Variants in MEF2C observed in about 807,000 individuals in gnomAD.
MEF2C encodes the protein myocyte-specific enhancer factor 2C.
In MEF2C, 6 loss-of-function variants were observed where a neutral mutation model predicts 50.5. The observed-to-expected ratio is 0.12, with a 90% CI of 0.07 to 0.23. The LOEUF is 0.23. Ranked by LOEUF, MEF2C falls within the 10% of genes least tolerant of loss-of-function variation. The pLI, the probability that MEF2C is intolerant of heterozygous loss-of-function variation, is 1.00. For missense variants in MEF2C, 276 were observed against 605.0 expected, an observed-to-expected ratio of 0.46 and a Z score of 5.70; for synonymous variants, 183 against 228.0, an observed-to-expected ratio of 0.80 and a Z score of 1.78.
intron 1 of MEF2C, among the ~76,000 whole-genome samples, chr5:88,880,055 C>T (rs186591662): frequency 2.0e-5 from 3 of 151,906 alleles, no homozygotes; most frequent in East Asian, 1.9e-4. Context: ...ACAGTCCACG[C>T]GCCTATAAGA....
chr5:88,736,750 G>T (rs1052057236), intron 6 of MEF2C: 2 of 985,218 alleles, frequency 2.0e-6, no homozygotes, highest in African/African-American at 3.5e-5. Flanking sequence ...TTGAGTCAGT[G>T]CCCTGCCTGG....
intron 1 of MEF2C, among the ~76,000 whole-genome samples, chr5:88,899,183 T>C (rs113897632): frequency 2.6e-5 from 4 of 152,108 alleles, no homozygotes; most frequent in African/African-American, 9.7e-5. Context: ...GGTCCCCAAG[T>C]GGAAAAAATA....
rs199688697 is a variant in MEF2C, at chr5:88,752,059, A to G, written c.403-16T>C. On this transcript the variant is annotated splice_polypyrimidine_tract_variant and intron_variant, in intron 4 of 10. Transcript: ENST00000504921. The stretch of plus-strand genomic sequence containing the variant: ...GTGGAACAGCCTGCAGGAACAGAAA[A>G]CAAAACAAAGGTAAAAGAAAAGAAT... 3 of 1,586,538 alleles carry G rather than the reference A, an allele frequency of 1.9e-6. No individual in the cohort carries two copies. In the African/African-American group the frequency reaches 4.0e-5, roughly 21 times the overall value.
chr5:88,823,066 T>A (rs966920640), intron 2 of MEF2C, among the ~76,000 whole-genome samples: 4 of 151,946 alleles, frequency 2.6e-5, no homozygotes, highest in Non-Finnish European at 5.9e-5. Context: ...ATGTGTAAAG[T>A]CTTCACAACA....
intron 1 of MEF2C, chr5:88,844,481 A>G (rs1006854344): frequency 1.8e-5 from 3 of 166,292 alleles, no homozygotes; most frequent in Non-Finnish European, 3.7e-5. Context: ...CAGAGCTTTT[A>G]TCTAAAAATA....
At chr5:88,885,496 C>A (rs1308362571), upstream of MEF2C, among the ~76,000 whole-genome samples, 2 of 152,098 alleles carry the variant, frequency 1.3e-5, no homozygotes, top group Non-Finnish European at 2.9e-5. Flanking sequence ...TTAGTATTTA[C>A]AATGTATTTT....
chr5:88,754,193 T>A (rs763170194), intron 4 of MEF2C, among the ~76,000 whole-genome samples: 1 of 152,162 alleles, frequency 6.6e-6, no homozygotes, highest in Non-Finnish European at 1.5e-5. Flanking sequence ...AGTCAGGGTA[T>A]TTTTTTATAG....
intron 3 of MEF2C, among the ~76,000 whole-genome samples, chr5:88,779,424 C>T (rs1262858255): frequency 6.6e-6 from 1 of 151,990 alleles, no homozygotes; most frequent in African/African-American, 2.4e-5. Flanking sequence ...ACTCTCCCTC[C>T]CCGATTGCAT....
chr5:88,901,784 G>T (rs192256382), intron 1 of MEF2C, among the ~76,000 whole-genome samples: 112 of 152,060 alleles, frequency 7.4e-4, no homozygotes, highest in African/African-American at 2.6e-3. Context: ...TGGTGGACAA[G>T]AATTTACAGC....
At chr5:88,773,307 T>C (rs1337317952) in intron 3 of MEF2C, among the ~76,000 whole-genome samples, 3 of 151,770 alleles carry the variant, frequency 2.0e-5, no homozygotes. Flanking sequence ...AGGGCACTTA[T>C]TAGGTTTGTA....
At chr5:88,725,586 A>G (rs1308496052) in intron 10 of MEF2C, among the ~76,000 whole-genome samples, 2 of 152,024 alleles carry the variant, frequency 1.3e-5, no homozygotes, top group African/African-American at 4.8e-5. Context: ...GGGTGGGGAG[A>G]TAGAAGCCAG....
chr5:88,880,738 T>A (rs2150080565), intron 1 of MEF2C: 1 of 152,130 alleles, frequency 6.6e-6, no homozygotes, highest in African/African-American at 2.4e-5. Context: ...AGAGGCAAAG[T>A]GCCTCTTGTT....
At chr5:88,751,620 A>T in intron 5 of MEF2C, 2 of 788,578 alleles carry the variant, frequency 2.5e-6, no homozygotes, top group Non-Finnish European at 3.1e-6. Flanking sequence ...ATATAGCCAC[A>T]GGAGGAGATA....
chr5:88,794,265 T>C (rs892497614), intron 3 of MEF2C, among the ~76,000 whole-genome samples: 6 of 152,210 alleles, frequency 3.9e-5, no homozygotes, highest in Non-Finnish European at 7.3e-5. Flanking sequence ...CCACCAACAG[T>C]GTAAAAGTGT....
At chr5:88,820,312 C>T (rs1444156386) in intron 2 of MEF2C, among the ~76,000 whole-genome samples, 2 of 151,740 alleles carry the variant, frequency 1.3e-5, no homozygotes, top group Non-Finnish European at 2.9e-5. Context: ...AACTATTTTA[C>T]GTATTGATGT....
chr5:88,738,201 A>C (rs992585086), intron 6 of MEF2C: 35 of 985,198 alleles, frequency 3.6e-5, no homozygotes, highest in Non-Finnish European at 4.1e-5. Context: ...AGTGTGAGAG[A>C]AGCATGAAAG....
chr5:88,734,216 C>G (rs1029712256), intron 6 of MEF2C: 7 of 985,266 alleles, frequency 7.1e-6, no homozygotes, highest in Non-Finnish European at 8.4e-6. Flanking sequence ...CAATTCTGCT[C>G]TATACTTTGC....
At chr5:88,803,363 CA>C (rs1424258156) in intron 3 of MEF2C, among the ~76,000 whole-genome samples, 1 of 151,964 alleles carries the variant, frequency 6.6e-6, no homozygotes, top group Non-Finnish European at 1.5e-5. Context: ...CAAATAAAAA[CA>C]AAGAAATGAG....
chr5:88,844,960 A>T (rs1267596830), intron 1 of MEF2C, among the ~76,000 whole-genome samples: 4 of 152,224 alleles, frequency 2.6e-5, no homozygotes. Context: ...TATCTAATAA[A>T]TGTCTATGCC....
Sources: gnomAD v4.1 joint callset for allele counts (sites outside exome capture counted in the v4.1 genomes callset) on GRCh38, gnomAD v4.1.1 for gene constraint, MANE v1.5 for transcripts, NCBI Gene and HGNC (gene_info 2026-07-23, HGNC 2026-07-21) for gene names.